Variants in GNAI3 observed in about 807,000 individuals in gnomAD.
GNAI3 encodes G protein subunit alpha i3.
In GNAI3, 12 loss-of-function variants were observed where a neutral mutation model predicts 41.8. That is an observed-to-expected ratio of 0.29 (90% CI 0.18 to 0.47). The LOEUF (loss-of-function observed/expected upper bound fraction) is 0.47, where lower values mean the gene tolerates loss of function less well. Ranked by LOEUF, GNAI3 falls within the 20% of genes least tolerant of loss-of-function variation. The probability of loss-of-function intolerance (pLI) is 1.00; values close to 1 mark genes in which losing one functional copy is unlikely to be tolerated. For missense variants in GNAI3, 360 were observed against 429.6 expected, an observed-to-expected ratio of 0.84 and a Z score of 1.43; for synonymous variants, 132 against 146.5, an observed-to-expected ratio of 0.90 and a Z score of 0.71.
At chr1:109,574,698 A>G (rs781079305) in intron 3 of GNAI3, among the ~76,000 whole-genome samples, 6 of 152,186 alleles carry the variant, frequency 3.9e-5, no homozygotes, top group Admixed American at 3.9e-4. Context: ...GAGGGTGCCA[A>G]TATGAAGGCA....
intron 1 of GNAI3, among the ~76,000 whole-genome samples, chr1:109,559,122 G>A (rs1241038506): frequency 2.0e-5 from 3 of 151,862 alleles, no homozygotes; most frequent in Non-Finnish European, 4.4e-5. Flanking sequence ...AGGTTGCAGC[G>A]CGCTGAGATT....
Position 109,597,997 on chromosome 1 carries a change from T to A in GNAI3, c.*5675T>A, listed in dbSNP as rs1031029320. 4 of 152,200 alleles carry A rather than the reference T, an allele frequency of 2.6e-5. No homozygotes were observed. Among genetic ancestry groups the A allele is most frequent in the African/African-American group, 9.7e-5 (4 of 41,442 alleles). The allele number at this position is 152,200 out of a possible 1,614,324, so 9.4% of individuals were successfully genotyped here. A position where few individuals can be genotyped will look rare whatever the true frequency, so the allele number is the denominator to read the frequency against. On this transcript the variant is annotated 3_prime_UTR_variant, in exon 9 of 9. Coordinates refer to ENST00000369851, the MANE Select transcript of GNAI3 (RefSeq NM_006496.4). ...GAGAATCACAAGGTACCAGAAATAA[T>A]CAAATAATAAATATTAATACACTGC...
intron 1 of GNAI3, among the ~76,000 whole-genome samples, chr1:109,572,589 T>C (rs1177934644): frequency 3.3e-5 from 5 of 152,062 alleles, no homozygotes; most frequent in Non-Finnish European, 5.9e-5. Flanking sequence ...ATGTACGAAA[T>C]TGGAGGCACT....
In GNAI3 at chr1:109,595,976, G is replaced by A. The variant is rs1649302037; in HGVS notation, c.*3654G>A. On this transcript the variant is annotated 3_prime_UTR_variant, in exon 9 of 9. Coordinates refer to ENST00000369851, the MANE Select transcript of GNAI3 (RefSeq NM_006496.4). ...AATGATCTTAGTTTGCCAGTGCCAG[G>A]TAATTATTGTGTTCTACTTTAGGCT... The A allele has an allele frequency of 6.6e-6, 1 of 152,164 alleles. No homozygotes were observed. The highest frequency in any genetic ancestry group is 6.5e-5 in the Admixed American group (1 of 15,280). The allele number at this position is 152,164 out of a possible 1,614,324, so 9.4% of individuals were successfully genotyped here.
chr1:109,577,627 C>T (rs530217143), intron 3 of GNAI3, among the ~76,000 whole-genome samples: 13 of 152,182 alleles, frequency 8.5e-5, no homozygotes, highest in Middle Eastern at 3.4e-3. Flanking sequence ...ACCCTGAATG[C>T]GCCTGATCTC....
intron 1 of GNAI3, among the ~76,000 whole-genome samples, chr1:109,555,482 G>A (rs1031471867): frequency 5.3e-5 from 8 of 152,156 alleles, no homozygotes; most frequent in African/African-American, 1.2e-4. Flanking sequence ...CAAGCCACAT[G>A]TAGAAGCATT....
intron 1 of GNAI3, among the ~76,000 whole-genome samples, chr1:109,559,831 C>A (rs768466101): frequency 6.6e-6 from 1 of 152,120 alleles, no homozygotes; most frequent in Non-Finnish European, 1.5e-5. Context: ...TCAGCTGTAT[C>A]ATTTCTGTAA....
chr1:109,580,097 G>T lies in GNAI3; in HGVS notation c.461+736G>T, dbSNP rs533583317. The stretch of plus-strand genomic sequence containing the variant: ...GCTCACTGCAAGCTCCACCTCCCAG[G>T]TTCACACCATTCTCCTGCCTCAGCC... On this transcript the variant is annotated intron_variant, in intron 4 of 8. Transcript: ENST00000369851. Among the ~76,000 whole-genome samples the T allele has an allele frequency of 2.6e-5, 4 of 152,252 alleles. No individual in the cohort carries two copies. In the East Asian group the frequency reaches 7.8e-4, roughly 30 times the overall value.
At chr1:109,581,901 C>CAA (rs1648897933) in intron 4 of GNAI3, among the ~76,000 whole-genome samples, 1 of 151,718 alleles carries the variant, frequency 6.6e-6, no homozygotes, top group African/African-American at 2.4e-5. Flanking sequence ...AAAAACAAAA[C>CAA]AAAACAAAAC....
chr1:109,574,626 AC>A (rs1648689633), intron 3 of GNAI3, among the ~76,000 whole-genome samples: 1 of 152,088 alleles, frequency 6.6e-6, no homozygotes, highest in African/African-American at 2.4e-5. Context: ...TACTTAGTGG[AC>A]CCTGAAGATC....
intron 1 of GNAI3, among the ~76,000 whole-genome samples, chr1:109,566,369 T>C (rs975593504): frequency 4.6e-5 from 7 of 152,182 alleles, no homozygotes; most frequent in South Asian, 2.1e-4. Context: ...CATAAACTTA[T>C]TTGTATTTGA....
rs908085417 is a variant in GNAI3, at chr1:109,598,095, T to C, written c.*5773T>C. 1 of 152,252 alleles carries C rather than the reference T, an allele frequency of 6.6e-6. No individual in the cohort carries two copies. The highest frequency in any genetic ancestry group is 2.4e-5 in the African/African-American group (1 of 41,464). The allele number at this position is 152,252 out of a possible 1,614,324, so 9.4% of individuals were successfully genotyped here. On this transcript the variant is annotated 3_prime_UTR_variant, in exon 9 of 9. Transcript: ENST00000369851. ...CTGTGACAGCAGGAATATTAAATTA[T>C]GAACAACCTGGTTTATCTGTCTCCT... is the stretch of plus-strand genomic sequence containing the variant.
chr1:109,582,763 G>A lies in GNAI3; in HGVS notation c.590+198G>A, dbSNP rs72987036. On this transcript the variant is annotated intron_variant, in intron 5 of 8. Transcript: ENST00000369851. The stretch of plus-strand genomic sequence containing the variant: ...TTTCTCCAAATAGCGTCAAATGTTT[G>A]TGTCCTTTTAGAGGAATTTAAATTC... Among the ~76,000 whole-genome samples, 8,481 of 152,222 alleles carry A rather than the reference G, an allele frequency of 0.056. 776 individuals carry two copies. Among genetic ancestry groups the A allele is most frequent in the African/African-American group, 0.19 (7,933 of 41,494 alleles).
At chr1:109,585,527 T>C (rs894802449) in intron 5 of GNAI3, among the ~76,000 whole-genome samples, 3 of 152,200 alleles carry the variant, frequency 2.0e-5, no homozygotes, top group African/African-American at 7.2e-5. Flanking sequence ...ACAATTAATC[T>C]CTAATTTTTT....
At position 109,558,086 on chromosome 1, in the gene GNAI3, A is replaced by C. The variant is rs138592260; in HGVS notation, c.118+9248A>C. 4.8e-4 allele frequency among the ~76,000 whole-genome samples: 73 copies of C among 152,230 alleles called. No homozygotes were observed. The Middle Eastern group carries it at 0.01, about 21-fold the overall frequency. On this transcript the variant is annotated intron_variant, in intron 1 of 8. Coordinates refer to ENST00000369851, the MANE Select transcript of GNAI3 (RefSeq NM_006496.4). ...CATGAGAACGTGCCTGCTCATTCTC[A>C]ATATTACCATCTTGTATAGTTGGGA...
At chr1:109,565,021 G>A (rs1389791035) in intron 1 of GNAI3, among the ~76,000 whole-genome samples, 1 of 152,038 alleles carries the variant, frequency 6.6e-6, no homozygotes, top group African/African-American at 2.4e-5. Context: ...CTAGCACTTT[G>A]GGAGGCCGAG....
At chr1:109,565,493 A>T (rs1648428304) in intron 1 of GNAI3, among the ~76,000 whole-genome samples, 1 of 152,158 alleles carries the variant, frequency 6.6e-6, no homozygotes, top group African/African-American at 2.4e-5. Context: ...GTGAGGCTGA[A>T]TAAAGATAGC....
At chr1:109,577,313 G>A (rs1341237300) in intron 3 of GNAI3, among the ~76,000 whole-genome samples, 8 of 128,392 alleles carry the variant, frequency 6.2e-5, no homozygotes, top group African/African-American at 2.4e-4. Context: ...GTTTTGCTCT[G>A]TCGCCCAGGC....
At chr1:109,558,247 G>GC (rs1452512285) in intron 1 of GNAI3, among the ~76,000 whole-genome samples, 1 of 151,908 alleles carries the variant, frequency 6.6e-6, no homozygotes, top group African/African-American at 2.4e-5. Flanking sequence ...ACATGGTGAA[G>GC]CCCCGTCTTT....
Sources: allele counts gnomAD v4.1 joint callset (sites outside exome capture counted in the v4.1 genomes callset), GRCh38; gene constraint gnomAD v4.1.1; transcripts MANE v1.5; gene names NCBI Gene and HGNC (gene_info 2026-07-23, HGNC 2026-07-21).